ABI3BP: variants seen among roughly 807,000 people sequenced by gnomAD.
ABI3BP encodes the protein ABI family member 3 binding protein.
A neutral mutation model predicts 268.6 loss-of-function variants in ABI3BP; 216 were observed. The ratio of observed to expected loss-of-function variants is 0.80; its 90% CI spans 0.72 to 0.90. The LOEUF is 0.90. Among genes scored for constraint, ABI3BP ranks in the 40% least tolerant of loss-of-function variants. The probability of loss-of-function intolerance (pLI) is 0.00; values close to 1 mark genes in which losing one functional copy is unlikely to be tolerated. For missense variants in ABI3BP, 2,090 were observed against 2,182.4 expected, an observed-to-expected ratio of 0.96 and a Z score of 0.84; for synonymous variants, 730 against 730.0, an observed-to-expected ratio of 1.00 and a Z score of 0.00.
intron 1 of ABI3BP, among the ~76,000 whole-genome samples, chr3:100,965,045 G>A (rs559134889): frequency 1.3e-5 from 2 of 152,280 alleles, no homozygotes; most frequent in East Asian, 3.9e-4. Context: ...AGTTCTAATA[G>A]TATAAGTGCA....
At position 100,926,304 on chromosome 3, in the gene ABI3BP, A is replaced by G; in HGVS notation, c.257T>C (p.Val86Ala). The stretch of plus-strand genomic sequence containing the variant: ...AGCCCGATACCCAAACACCTTACCA[A>G]CTATAGCTTCTGTGAATTTCCCTTC... Reference protein sequence around the residue: ...PAEGKFTEAIVDAEPKYLIVV... With the variant: ...PAEGKFTEAIADAEPKYLIVV... The change falls in exon 2 of 68, where the codon GTT (valine) becomes GCT (alanine). Residue 86 changes from valine to alanine, a missense_variant and splice_region_variant. Transcript: ENST00000471714. 1 of 1,613,126 alleles carries G rather than the reference A, an allele frequency of 6.2e-7. No individual in the cohort carries two copies.
chr3:100,768,987 A>G (rs1263438797), intron 62 of ABI3BP, among the ~76,000 whole-genome samples: 1 of 152,258 alleles, frequency 6.6e-6, no homozygotes, highest in African/African-American at 2.4e-5. Flanking sequence ...CAACTCAAAG[A>G]AAGAAGCCAA....
chr3:100,957,912 A>G (rs1269819577), intron 1 of ABI3BP, among the ~76,000 whole-genome samples: 2 of 152,222 alleles, frequency 1.3e-5, no homozygotes, highest in African/African-American at 2.4e-5. Flanking sequence ...AAGATAAAGC[A>G]TCTGGTTTTA....
chr3:100,983,491 A>G (rs2090534479), intron 1 of ABI3BP, among the ~76,000 whole-genome samples: 2 of 152,144 alleles, frequency 1.3e-5, no homozygotes, highest in African/African-American at 4.8e-5. Context: ...AACAGATTAC[A>G]TTTGAATTCA....
At chr3:100,848,910 T>C in intron 17 of ABI3BP, 35 bp from the exon 18 acceptor site, 1 of 1,578,164 alleles carries the variant, frequency 6.3e-7, no homozygotes, top group African/African-American at 1.3e-5. Context: ...TGATAAATGA[T>C]ATTTTTCAGG....
At chr3:100,790,105 A>G (rs1407702119) in intron 55 of ABI3BP, among the ~76,000 whole-genome samples, 3 of 152,042 alleles carry the variant, frequency 2.0e-5, no homozygotes, top group African/African-American at 7.2e-5. Flanking sequence ...CCTGCCTATC[A>G]AAAGAGGACA....
chr3:100,837,482 G>A (rs567624254), intron 26 of ABI3BP, among the ~76,000 whole-genome samples: 5 of 152,270 alleles, frequency 3.3e-5, no homozygotes, highest in Admixed American at 2.6e-4. Flanking sequence ...GGCCGGGCAC[G>A]TTGGCTCATG....
At chr3:100,782,454 T>C (rs547779529) in intron 57 of ABI3BP, among the ~76,000 whole-genome samples, 104 of 151,986 alleles carry the variant, frequency 6.8e-4, no homozygotes, top group African/African-American at 2.3e-3. Context: ...CCAAATCAAA[T>C]AGAGAAGCAG....
In ABI3BP at chr3:100,828,383, G is replaced by C. The variant is rs1032966330; in HGVS notation, c.2602+10C>G. On this transcript the variant is annotated intron_variant, in intron 34 of 67. Coordinates refer to ENST00000471714, the MANE Select transcript of ABI3BP (RefSeq NM_001375547.2). ...AAAAGCACTTGCTGAAGATCAAAAA[G>C]TGGCATTACCGAATGTTGTCCCTGG... 3.9e-6 allele frequency: 6 copies of C among 1,531,876 alleles called. No individual in the cohort carries two copies. The African/African-American group carries it at 8.2e-5, about 21-fold the overall frequency. The allele number at this position is 1,531,876 out of a possible 1,614,324, so 94.9% of individuals were successfully genotyped here.
At chr3:100,832,937 T>A (rs2098517574) in intron 30 of ABI3BP, among the ~76,000 whole-genome samples, 188 bp downstream of exon 30, 1 of 152,182 alleles carries the variant, frequency 6.6e-6, no homozygotes, top group Non-Finnish European at 1.5e-5. Context: ...CAAGCTGGGC[T>A]ATGGAGCAGA....
At chr3:100,917,143 C>G (rs558779210) in intron 2 of ABI3BP, among the ~76,000 whole-genome samples, 201 of 152,158 alleles carry the variant, frequency 1.3e-3, no homozygotes, top group Non-Finnish European at 2.4e-3. Context: ...GCTATTACAG[C>G]TGTGAATATA....
At chr3:100,849,608 T>C (rs2098816404) in intron 17 of ABI3BP, among the ~76,000 whole-genome samples, 1 of 152,208 alleles carries the variant, frequency 6.6e-6, no homozygotes, top group African/African-American at 2.4e-5. Flanking sequence ...TTATAAAATG[T>C]AGGTTGTGTT....
chr3:100,776,269 A>G (rs1184161040), intron 59 of ABI3BP, among the ~76,000 whole-genome samples: 3 of 152,204 alleles, frequency 2.0e-5, no homozygotes, highest in Non-Finnish European at 4.4e-5. Flanking sequence ...GCATGGAATC[A>G]GGGCTGAGTA....
rs754130365 is a variant in ABI3BP, at chr3:100,810,431, A to T, written c.3588T>A (p.Asp1196Glu). 267 of 1,534,824 alleles carry T rather than the reference A, an allele frequency of 1.7e-4. No individual in the cohort carries two copies. Among genetic ancestry groups the T allele is most frequent in the Non-Finnish European group, 2.1e-4 (246 of 1,146,064 alleles). The change falls in exon 49 of 68, where the codon GAT becomes GAA. Residue 1196 changes from aspartate to glutamate, a missense_variant. Asp to Glu is a conservative substitution (Grantham distance 45, BLOSUM62 2). Transcript: ENST00000471714. ...PSQSITLPSP[D>E]EPQTEPAPKQ... Reference sequence around the variant, plus strand: ...ATTTACCAGGTTCAGTCTGAGGCTCATCTGGGCTGGGTAGGGTTATAGATT... The same window carrying T: ...ATTTACCAGGTTCAGTCTGAGGCTCTTCTGGGCTGGGTAGGGTTATAGATT...
chr3:100,749,462 A>G lies in ABI3BP; in HGVS notation c.*1033T>C, dbSNP rs2149125844. 2.5e-6 allele frequency: 1 copy of G among 393,696 alleles called. No individual in the cohort carries two copies. Among genetic ancestry groups the G allele is most frequent in the Non-Finnish European group, 4.5e-6 (1 of 223,032 alleles). The allele number at this position is 393,696 out of a possible 1,614,324, so 24.4% of individuals were successfully genotyped here. A position where few individuals can be genotyped will look rare whatever the true frequency, so the allele number is the denominator to read the frequency against. ...GAAAGGTCCTTTCAGAATGACTGCA[A>G]CAGTGCAGCAAGGATTCCCATTCCC... is the stretch of plus-strand genomic sequence containing the variant. On this transcript the variant is annotated 3_prime_UTR_variant, in exon 68 of 68. Coordinates refer to ENST00000471714, the MANE Select transcript of ABI3BP (RefSeq NM_001375547.2).
intron 49 of ABI3BP, among the ~76,000 whole-genome samples, chr3:100,808,464 T>C (rs2097770850): frequency 6.6e-6 from 1 of 152,016 alleles, no homozygotes; most frequent in Non-Finnish European, 1.5e-5. Flanking sequence ...AAAATGAAAC[T>C]TGGGATTGCA....
At position 100,871,745 on chromosome 3, in the gene ABI3BP, C is replaced by T. The variant is rs117909598; in HGVS notation, c.910+3096G>A. 1.1e-3 allele frequency among the ~76,000 whole-genome samples: 166 copies of T among 152,294 alleles called. 5 individuals carry two copies. In the East Asian group the frequency reaches 0.031, roughly 29 times the overall value. ...CCTCTTTCTTTGTAAATTGTCCAGT[C>T]TCGGGTATATCTTTACCAGCAGTGT... On this transcript the variant is annotated intron_variant, in intron 9 of 67. Coordinates refer to ENST00000471714, the MANE Select transcript of ABI3BP (RefSeq NM_001375547.2).
rs745415965 is a variant in ABI3BP, at chr3:100,824,867, T to C, written c.2737A>G (p.Thr913Ala). The C allele has an allele frequency of 5.2e-6, 8 of 1,535,796 alleles. 1 individual carries two copies. In the South Asian group the frequency reaches 9.5e-5, roughly 18 times the overall value. Residue 913 changes from threonine (T) to alanine (A), a missense_variant, in exon 36 of 68, where the codon ACC becomes GCC. Physicochemically the swap from Thr to Ala is moderately conservative, Grantham distance 58. Transcript: ENST00000471714. ...GGAATCACAGATTTACCAGGTTTGG[T>C]CTCAGGTGCCTGAGGGCTCGGTGTA... ...KTTPSPQAPE[T>A]KPVPATVLEP...
intron 33 of ABI3BP, among the ~76,000 whole-genome samples, chr3:100,828,928 TC>T (rs568842114): frequency 2.2e-4 from 34 of 151,718 alleles, no homozygotes; most frequent in Non-Finnish European, 3.7e-4. Flanking sequence ...AAATCCAAAC[TC>T]CTCAGGCCAG....
Sources: gnomAD v4.1 joint callset for allele counts (sites outside exome capture counted in the v4.1 genomes callset) on GRCh38, gnomAD v4.1.1 for gene constraint, MANE v1.5 for transcripts, NCBI Gene and HGNC (gene_info 2026-07-23, HGNC 2026-07-21) for gene names.